Variants in VPS50 observed in about 807,000 individuals in gnomAD.
The protein encoded by VPS50 is syndetin.
Under a neutral mutation model 139.7 loss-of-function variants are expected in VPS50, and 70 were observed. The ratio of observed to expected loss-of-function variants is 0.50; its 90% CI spans 0.41 to 0.61. The LOEUF is 0.61. Among genes scored for constraint, VPS50 ranks in the 20% least tolerant of loss-of-function variants. The pLI, the probability that VPS50 is intolerant of heterozygous loss-of-function variation, is 0.00. For missense variants in VPS50, 921 were observed against 1,133.7 expected, an observed-to-expected ratio of 0.81 and a Z score of 2.69; for synonymous variants, 365 against 376.7, an observed-to-expected ratio of 0.97 and a Z score of 0.36.
intron 21 of VPS50, among the ~76,000 whole-genome samples, chr7:93,327,293 TTAAATA>T (rs1479500347): frequency 1.3e-5 from 2 of 152,172 alleles, no homozygotes; most frequent in East Asian, 1.9e-4. Context: ...AATTTAATCT[TTAAATA>T]TAAATAGCCA....
intron 12 of VPS50, among the ~76,000 whole-genome samples, chr7:93,277,325 C>T (rs2188405): frequency 0.68 from 104,118 of 152,064 alleles, 37,918 homozygotes; most frequent in East Asian, 0.99. Context: ...TGTGGAGGTA[C>T]TGTTTACCAT....
chr7:93,307,165 T>G (rs553704657), intron 18 of VPS50, among the ~76,000 whole-genome samples: 5 of 152,020 alleles, frequency 3.3e-5, no homozygotes, highest in Admixed American at 3.3e-4. Context: ...AGAGCAAATA[T>G]AGGATTAGGT....
chr7:93,239,527 A>G (rs1794916708), intron 1 of VPS50, among the ~76,000 whole-genome samples: 1 of 152,150 alleles, frequency 6.6e-6, no homozygotes, highest in Non-Finnish European at 1.5e-5. Flanking sequence ...AGTAATTATT[A>G]TTGTATATAC....
chr7:93,341,531 T>C lies in VPS50; in HGVS notation c.2163T>C (p.Asp721=). The C allele has an allele frequency of 6.2e-7, 1 of 1,612,608 alleles. No individual in the cohort carries two copies. Among genetic ancestry groups the C allele is most frequent in the Non-Finnish European group, 8.5e-7 (1 of 1,178,858 alleles). The part of the protein sequence containing the change: ...LSHLVVLTSG[D]TLYGLAERVV... ...ACCTAGTGGTTTTGACATCTGGGGA[T>C]ACGCTGTATGGGTTGGCAGAAAGAG... The change falls in exon 23 of 28, where the codon GAT becomes GAC. Residue 721 remains aspartate, a synonymous_variant. Coordinates refer to ENST00000305866, the MANE Select transcript of VPS50 (RefSeq NM_017667.4).
chr7:93,236,412 A>C (rs150210300), intron 1 of VPS50, among the ~76,000 whole-genome samples: 74 of 152,292 alleles, frequency 4.9e-4, no homozygotes, highest in African/African-American at 1.7e-3. Context: ...GCTTCTTTGG[A>C]TGGATAAGAC....
chr7:93,283,221 TTTTTC>T (rs1177276149), intron 12 of VPS50, among the ~76,000 whole-genome samples: 1 of 151,452 alleles, frequency 6.6e-6, no homozygotes, highest in South Asian at 2.1e-4. Context: ...AGCTTTTTTC[TTTTTC>T]TTTTCTTTTT....
intron 2 of VPS50, among the ~76,000 whole-genome samples, chr7:93,248,241 T>C (rs1795214407): frequency 6.6e-6 from 1 of 152,026 alleles, no homozygotes; most frequent in South Asian, 2.1e-4. Flanking sequence ...TGTAAGAAGT[T>C]CCATTTGGTA....
At chr7:93,309,207 G>C (rs1797198707) in intron 19 of VPS50, among the ~76,000 whole-genome samples, 1 of 151,910 alleles carries the variant, frequency 6.6e-6, no homozygotes, top group African/African-American at 2.4e-5. Context: ...GTATCTCACA[G>C]ATCAGTTCAT....
chr7:93,279,938 A>G (rs1796273323), intron 12 of VPS50, among the ~76,000 whole-genome samples: 2 of 152,134 alleles, frequency 1.3e-5, no homozygotes, highest in South Asian at 4.1e-4. Context: ...TATCATTTTA[A>G]ACTATTCTTA....
At chr7:93,317,641 C>T (rs184689429) in intron 20 of VPS50, among the ~76,000 whole-genome samples, 27 of 152,298 alleles carry the variant, frequency 1.8e-4, no homozygotes, top group Admixed American at 5.9e-4. Context: ...AACCTGAAAA[C>T]GGGCACCTTT....
chr7:93,272,860 G>C (rs1420999317), intron 11 of VPS50, 127 bp downstream of exon 11: 2 of 535,834 alleles, frequency 3.7e-6, no homozygotes, highest in Non-Finnish European at 6.5e-6. Context: ...TTTTTATTCT[G>C]AATTAACAGT....
chr7:93,265,581 T>C (rs936702497), intron 9 of VPS50, among the ~76,000 whole-genome samples: 2 of 152,156 alleles, frequency 1.3e-5, no homozygotes, highest in African/African-American at 4.8e-5. Flanking sequence ...TTTCTTTTTT[T>C]GGAGACAGAG....
At chr7:93,233,634 A>T (rs1472423347) in intron 1 of VPS50, among the ~76,000 whole-genome samples, 1 of 152,238 alleles carries the variant, frequency 6.6e-6, no homozygotes, top group East Asian at 1.9e-4. Context: ...TGAATAATAA[A>T]AATATTTAAG....
intron 23 of VPS50, among the ~76,000 whole-genome samples, chr7:93,342,766 A>G (rs1021645532): frequency 6.6e-6 from 1 of 152,198 alleles, no homozygotes; most frequent in Non-Finnish European, 1.5e-5. Context: ...CCTGCAGCTG[A>G]GGGTCTTGTC....
chr7:93,288,284 G>T (rs944345788), intron 12 of VPS50, among the ~76,000 whole-genome samples: 1 of 152,070 alleles, frequency 6.6e-6, no homozygotes, highest in African/African-American at 2.4e-5. Flanking sequence ...TAAGGGTAGC[G>T]ATTATAGAAG....
At chr7:93,241,428 T>C (rs1794987415) in intron 2 of VPS50, among the ~76,000 whole-genome samples, 1 of 152,104 alleles carries the variant, frequency 6.6e-6, no homozygotes, top group Admixed American at 6.6e-5. Context: ...AAAGCACTGG[T>C]CTCTTTAGCA....
chr7:93,303,487 C>T lies in VPS50; in HGVS notation c.1389C>T (p.Phe463=), dbSNP rs1207139399. The T allele has an allele frequency of 1.9e-6, 3 of 1,575,498 alleles. No homozygotes were observed. The highest frequency in any genetic ancestry group is 1.2e-5 in the South Asian group (1 of 86,538). ...CACGGCTCGATGAACTGAGAATGTT[C>T]TTAGAGAATGAGACTTGGGAACTTT... ...HRTRLDELRM[F]LENETWELCP... is the part of the protein sequence containing the mutation. The change falls in exon 17 of 28, where the codon TTC becomes TTT. Residue 463 remains phenylalanine (F), a synonymous_variant. Transcript: ENST00000305866.
chr7:93,273,748 T>G (rs936732803), intron 11 of VPS50, among the ~76,000 whole-genome samples: 7 of 152,114 alleles, frequency 4.6e-5, no homozygotes, highest in African/African-American at 1.4e-4. Flanking sequence ...TTATTACACT[T>G]CACTTTATTG....
intron 12 of VPS50, among the ~76,000 whole-genome samples, chr7:93,290,562 T>C (rs922515675): frequency 2.0e-5 from 3 of 151,976 alleles, no homozygotes; most frequent in Non-Finnish European, 4.4e-5. Flanking sequence ...GAAATTTTTT[T>C]TGATCAGCAC....
Sources: allele counts gnomAD v4.1 joint callset (sites outside exome capture counted in the v4.1 genomes callset), GRCh38; gene constraint gnomAD v4.1.1; transcripts MANE v1.5; gene names NCBI Gene and HGNC (gene_info 2026-07-23, HGNC 2026-07-21).